The following RELN variants were observed in gnomAD, a reference collection of about 807,000 sequenced individuals.
The protein encoded by RELN is reelin.
RELN carries 108 observed loss-of-function variants against 427.6 expected under a neutral mutation model. The observed-to-expected ratio is 0.25, with a 90% CI of 0.22 to 0.30. RELN has a LOEUF of 0.30. Ranked by LOEUF, RELN falls within the 10% of genes least tolerant of loss-of-function variation. The pLI is 1.00. For missense variants in RELN, 3,715 were observed against 4,302.8 expected (o/e 0.86, Z 3.82); for synonymous variants, 1,524 against 1,513.4 (o/e 1.01, Z -0.16).
rs143565159 is a variant in RELN at position 103,836,643 on chromosome 7, G to A, written c.338-2971C>T. 2.6e-5 allele frequency among the ~76,000 whole-genome samples: 4 copies of A among 152,176 alleles called. No individual in the cohort carries two copies. The East Asian group carries it at 7.7e-4, about 29-fold the overall frequency. On this transcript the variant is annotated intron_variant, in intron 2 of 64. Coordinates refer to ENST00000428762, the MANE Select transcript of RELN (RefSeq NM_005045.4). ...ACCCTCCTCTATCTTCCTGCAAGCT[G>A]TACCCTCTACCTAAAATGCTCTCTC...
At chr7:103,746,686 G>A (rs887775107) in intron 6 of RELN, among the ~76,000 whole-genome samples, 31 of 152,092 alleles carry the variant, frequency 2.0e-4, no homozygotes, top group Non-Finnish European at 4.0e-4. Context: ...GTGGCCATCA[G>A]AGAAATGCAA....
intron 55 of RELN, 151 bp downstream of exon 55, chr7:103,497,669 C>T (rs963001501): frequency 7.1e-6 from 5 of 700,464 alleles, no homozygotes; most frequent in African/African-American, 1.8e-5. Context: ...TTGTACGGAA[C>T]ATGTAATACA....
chr7:103,532,273 C>T (rs1248797308), intron 46 of RELN, among the ~76,000 whole-genome samples: 1 of 152,084 alleles, frequency 6.6e-6, no homozygotes, highest in Non-Finnish European at 1.5e-5. Context: ...GGGGGAACAA[C>T]ACACACTGGG....
intron 12 of RELN, among the ~76,000 whole-genome samples, chr7:103,660,510 C>A (rs1417191043): frequency 2.0e-5 from 3 of 152,142 alleles, no homozygotes; most frequent in Admixed American, 1.3e-4. Flanking sequence ...CCATGCAACC[C>A]TGAGCTGTAT....
chr7:103,729,786 C>A (rs1311764291), intron 6 of RELN, among the ~76,000 whole-genome samples: 2 of 152,082 alleles, frequency 1.3e-5, no homozygotes, highest in African/African-American at 4.8e-5. Flanking sequence ...TTTTAAAGGT[C>A]TGAGGTCTAA....
chr7:103,614,823 A>G lies in RELN; in HGVS notation c.2703-3020T>C, dbSNP rs544938628. 6.8e-4 allele frequency among the ~76,000 whole-genome samples: 104 copies of G among 152,306 alleles called. 1 individual carries two copies. Among genetic ancestry groups the G allele is most frequent in the Non-Finnish European group, 1.2e-3 (81 of 68,024 alleles). On this transcript the variant is annotated intron_variant, in intron 20 of 64. Coordinates refer to ENST00000428762, the MANE Select transcript of RELN (RefSeq NM_005045.4). ...TCCTGATGCCTTAATCTGAAGCAAA[A>G]TAACACTGAAAAGCACTTTAAACTC...
chr7:103,960,895 T>A (rs927590411), intron 1 of RELN, among the ~76,000 whole-genome samples: 2 of 152,240 alleles, frequency 1.3e-5, no homozygotes, highest in African/African-American at 4.8e-5. Context: ...TTTCCTCACA[T>A]ACAAGCTAAT....
At chr7:103,644,597 T>A (rs1047793933) in intron 16 of RELN, among the ~76,000 whole-genome samples, 28 of 151,438 alleles carry the variant, frequency 1.8e-4, no homozygotes, top group Non-Finnish European at 1.5e-5. Flanking sequence ...ACAAGAATTT[T>A]AAAAATGAAC....
At chr7:103,564,319 A>G (rs2535770) in intron 34 of RELN, among the ~76,000 whole-genome samples, 27,591 of 152,188 alleles carry the variant, frequency 0.18, 3,068 homozygotes, top group East Asian at 0.4. Context: ...CACTTAACAC[A>G]GAAAGAAATT....
At chr7:103,815,868 A>G (rs1039063910) in intron 3 of RELN, among the ~76,000 whole-genome samples, 3 of 152,218 alleles carry the variant, frequency 2.0e-5, no homozygotes, top group African/African-American at 7.2e-5. Flanking sequence ...TGAACCAACA[A>G]AAATGTATTT....
intron 60 of RELN, among the ~76,000 whole-genome samples, chr7:103,488,907 A>T (rs1428173850): frequency 6.6e-6 from 1 of 152,212 alleles, no homozygotes. Flanking sequence ...GTAAATAGTA[A>T]AGCATAAGAC....
chr7:103,572,296 G>T, intron 30 of RELN, 36 bp from the exon 31 acceptor site: 1 of 1,099,408 alleles, frequency 9.1e-7, no homozygotes, highest in South Asian at 1.2e-5. Flanking sequence ...TTACAAACAA[G>T]AGTTCAGAAG....
In RELN at chr7:103,636,428, A is replaced by C. The variant is rs1832582219; in HGVS notation, c.2110T>G (p.Ser704Ala). Residue 704 changes from serine (S) to alanine (A), a missense_variant, in exon 18 of 65, where the codon TCC becomes GCC. Ser to Ala is a moderately conservative substitution (Grantham distance 99, BLOSUM62 1). This residue lies in a region of RELN where 2,208 missense variants were observed against 2,361.7 expected (regional missense o/e 0.93). Transcript: ENST00000428762. ...GFSGPACEMA[S>A]QTFPMFISES... is the part of the protein sequence containing the mutation. ...GAAATAAACATTGGGAATGTCTGGGATGCCATCTCACAAGCTGGGCCAGAA... is the reference window on the plus strand; with the variant it reads ...GAAATAAACATTGGGAATGTCTGGGCTGCCATCTCACAAGCTGGGCCAGAA... 1 of 1,613,958 alleles carries C rather than the reference A, an allele frequency of 6.2e-7. No individual in the cohort carries two copies.
At chr7:103,782,456 AAAT>A (rs1262196268) in intron 3 of RELN, among the ~76,000 whole-genome samples, 2 of 152,112 alleles carry the variant, frequency 1.3e-5, no homozygotes, top group African/African-American at 4.8e-5. Flanking sequence ...GGATAACTTG[AAAT>A]AATAACTATT....
At chr7:103,936,739 GACAGACACACACAC>G (rs1795995051) in intron 1 of RELN, among the ~76,000 whole-genome samples, 1 of 92,082 alleles carries the variant, frequency 1.1e-5, no homozygotes. Flanking sequence ...CAGACAGACA[GACAGACACACACAC>G]ACACACACAC....
At chr7:103,857,146 G>A (rs1475996451) in intron 2 of RELN, among the ~76,000 whole-genome samples, 1 of 152,042 alleles carries the variant, frequency 6.6e-6, no homozygotes, top group Non-Finnish European at 1.5e-5. Context: ...CTGCTCATAT[G>A]CCAAGCAGAG....
At chr7:103,957,645 GCTCAT>G (rs1796461286) in intron 1 of RELN, among the ~76,000 whole-genome samples, 1 of 152,136 alleles carries the variant, frequency 6.6e-6, no homozygotes, top group Non-Finnish European at 1.5e-5. Context: ...GGTGATGCCT[GCTCAT>G]CCCCCCTTGT....
intron 2 of RELN, among the ~76,000 whole-genome samples, chr7:103,867,751 A>G (rs1312764107): frequency 6.6e-6 from 1 of 152,044 alleles, no homozygotes; most frequent in Non-Finnish European, 1.5e-5. Flanking sequence ...GGAGGCTATG[A>G]TGTTTAGTAA....
At chr7:103,480,536 G>A (rs1259527155) in intron 63 of RELN, among the ~76,000 whole-genome samples, 2 of 152,070 alleles carry the variant, frequency 1.3e-5, no homozygotes, top group East Asian at 3.9e-4. Context: ...TAAGACCAGA[G>A]CAAAACATCA....
Sources: allele counts gnomAD v4.1 joint callset (sites outside exome capture counted in the v4.1 genomes callset), GRCh38; gene constraint gnomAD v4.1.1; regional missense constraint gnomAD v4.1.1; transcripts MANE v1.5; gene names NCBI Gene and HGNC (gene_info 2026-07-23, HGNC 2026-07-21).